SPON2: variants seen among roughly 807,000 people sequenced by gnomAD.
SPON2 encodes the protein spondin 2, also known as spondin-2.
In SPON2, 32 loss-of-function variants were observed where a neutral mutation model predicts 29.9. The observed-to-expected ratio is 1.07, with a 90% CI of 0.81 to 1.44. SPON2 has a LOEUF of 1.44. SPON2 is among the 40% of genes most tolerant of loss of function. The pLI, the probability that SPON2 is intolerant of heterozygous loss-of-function variation, is 0.00. For synonymous variants in SPON2, 248 were observed against 209.1 expected (o/e 1.19, Z -1.61); for missense variants, 541 against 455.5 (o/e 1.19, Z -1.71).
chr4:1,178,876 G>A (rs538118035), intron 2 of SPON2, among the ~76,000 whole-genome samples: 2 of 152,078 alleles, frequency 1.3e-5, no homozygotes, highest in African/African-American at 4.8e-5. Flanking sequence ...GTGGCAGCTG[G>A]TCCCCCCTGT....
At chr4:1,173,895 T>C (rs899633095), upstream of SPON2, among the ~76,000 whole-genome samples, 2 of 152,222 alleles carry the variant, frequency 1.3e-5, no homozygotes, top group Non-Finnish European at 2.9e-5. Context: ...TGAGGACTCC[T>C]TCATACTCTT....
intron 1 of SPON2, among the ~76,000 whole-genome samples, chr4:1,188,617 A>G (rs910747512): frequency 1.3e-5 from 2 of 152,240 alleles, no homozygotes; most frequent in Non-Finnish European, 2.9e-5. Context: ...ACATCCATCA[A>G]GAAAATATCA....
At chr4:1,207,819 G>A (rs1338562481) in intron 1 of SPON2, 1 of 154,534 alleles carries the variant, frequency 6.5e-6, no homozygotes, top group Non-Finnish European at 1.4e-5. Context: ...GTCGGGTCAG[G>A]GGGCGGCTGA....
chr4:1,169,948 C>T (rs1727367735), intron 5 of SPON2: 2 of 179,772 alleles, frequency 1.1e-5, no homozygotes, highest in South Asian at 2.4e-4. Flanking sequence ...TGCTCATCAG[C>T]ACCTGCCCCG....
intron 1 of SPON2, among the ~76,000 whole-genome samples, chr4:1,194,319 C>T (rs1260333359): frequency 2.0e-5 from 3 of 152,174 alleles, no homozygotes; most frequent in African/African-American, 7.2e-5. Context: ...GGGGCTCACC[C>T]GCAGGTCCCG....
At chr4:1,203,915 G>C (rs1196697393) in intron 1 of SPON2, among the ~76,000 whole-genome samples, 1 of 152,064 alleles carries the variant, frequency 6.6e-6, no homozygotes, top group Non-Finnish European at 1.5e-5. Context: ...CTGTCACCCA[G>C]GCTGGAGTGC....
At chr4:1,172,111 C>A (rs1416607610) in intron 1 of SPON2, 37 bp from the exon 2 acceptor site, 1 of 1,575,690 alleles carries the variant, frequency 6.3e-7, no homozygotes, top group East Asian at 2.2e-5. Context: ...GCGCTGGCAC[C>A]GTCGTGGCAG....
upstream of SPON2, chr4:1,172,966 C>G (rs1469089012): frequency 1.4e-5 from 2 of 146,646 alleles, no homozygotes; most frequent in East Asian, 4.2e-4. Context: ...CGTTTCTCTC[C>G]CGTTCCAACA....
At chr4:1,196,262 C>A (rs1001601993), upstream of SPON2, among the ~76,000 whole-genome samples, 3 of 152,218 alleles carry the variant, frequency 2.0e-5, no homozygotes, top group Non-Finnish European at 4.4e-5. Flanking sequence ...GGAGAAATCC[C>A]AGCTTCTTCA....
At chr4:1,198,671 G>A (rs965627771), upstream of SPON2, among the ~76,000 whole-genome samples, 6 of 151,964 alleles carry the variant, frequency 3.9e-5, no homozygotes, top group Admixed American at 1.3e-4. Flanking sequence ...ACACAGCGTC[G>A]GCAGCATCGT....
At chr4:1,177,980 GACACATC>G (rs1372171149), upstream of SPON2, among the ~76,000 whole-genome samples, 2 of 152,228 alleles carry the variant, frequency 1.3e-5, no homozygotes, top group Non-Finnish European at 2.9e-5. Context: ...AGCCCACCCA[GACACATC>G]ACACTTGCTT....
Position 1,167,631 on chromosome 4 carries a change from C to T in SPON2, c.837G>A (p.Glu279=), listed in dbSNP as rs763495218. Residue 279 remains glutamate, a synonymous_variant, in exon 6 of 6, where the codon GAG becomes GAA. Coordinates refer to ENST00000290902, the MANE Select transcript of SPON2 (RefSeq NM_012445.4). ...GTCCCCAGGACGACCACAGGGAGAC[C>T]TCGCAGTCCAGCGGCGTTTCTGGAA... is the stretch of plus-strand genomic sequence containing the variant. The part of the protein sequence containing the change: ...ASVPETPLDC[E]VSLWSSWGLC... 9 of 1,610,440 alleles carry T rather than the reference C, an allele frequency of 5.6e-6. No homozygotes were observed. The highest frequency in any genetic ancestry group is 4.5e-5 in the East Asian group (2 of 44,776).
chr4:1,197,533 A>C (rs565982902), upstream of SPON2, among the ~76,000 whole-genome samples: 9 of 152,316 alleles, frequency 5.9e-5, no homozygotes, highest in African/African-American at 2.2e-4. Flanking sequence ...AGCCCCCAGC[A>C]CAGCTCTTAT....
intron 1 of SPON2, among the ~76,000 whole-genome samples, chr4:1,194,399 G>A (rs6840196): frequency 6.6e-6 from 1 of 152,030 alleles, no homozygotes; most frequent in Admixed American, 6.5e-5. Context: ...ACCAGCCCCC[G>A]GGGGACAGCG....
At chr4:1,171,614 C>T (rs1202924649) in intron 2 of SPON2, 128 bp from the exon 3 acceptor site, 1 of 1,030,586 alleles carries the variant, frequency 9.7e-7, no homozygotes, top group East Asian at 2.6e-5. Flanking sequence ...TCACGTCGGA[C>T]CGTGACACCC....
At chr4:1,189,580 G>A (rs1727865342) in intron 1 of SPON2, among the ~76,000 whole-genome samples, 1 of 136,504 alleles carries the variant, frequency 7.3e-6, no homozygotes, top group South Asian at 2.4e-4. Flanking sequence ...AGGCTGCAGT[G>A]AGCCAAGATC....
At chr4:1,204,517 G>A (rs1202781366) in intron 1 of SPON2, among the ~76,000 whole-genome samples, 2 of 152,192 alleles carry the variant, frequency 1.3e-5, no homozygotes, top group Non-Finnish European at 2.9e-5. Context: ...TTGTTACTGT[G>A]AGCGACCCAC....
chr4:1,195,954 A>G (rs745589476), upstream of SPON2, among the ~76,000 whole-genome samples: 1 of 152,084 alleles, frequency 6.6e-6, no homozygotes, highest in African/African-American at 2.4e-5. Context: ...TGAGTTGGTG[A>G]CTTCGCCTTT....
rs76686665 is a variant in SPON2 at position 1,205,072 on chromosome 4, C to T, written c.-234+2808G>A. 1.9e-3 allele frequency: 287 copies of T among 152,530 alleles called. 2 individuals are homozygous for T. Among genetic ancestry groups the T allele is most frequent in the African/African-American group, 6.1e-3 (252 of 41,584 alleles). 9.4% of individuals were successfully genotyped at this position (152,530 alleles called of 1,614,324 possible). On this transcript the variant is annotated intron_variant, in intron 1 of 3. Coordinates refer to the SPON2 transcript ENST00000509233. ...CCTCTCTCCAGCCGTGTGCATGCAG[C>T]TCTTCCCGGGGCTCTTGGCTGTGAG...
Sources: allele counts gnomAD v4.1 joint callset (sites outside exome capture counted in the v4.1 genomes callset), GRCh38; gene constraint gnomAD v4.1.1; transcripts MANE v1.5; gene names NCBI Gene and HGNC (gene_info 2026-07-23, HGNC 2026-07-21).